PRMT3: variants seen among roughly 807,000 people sequenced by gnomAD.
PRMT3 encodes protein arginine N-methyltransferase 3.
Under a neutral mutation model 71.9 loss-of-function variants are expected in PRMT3, and 62 were observed. The observed-to-expected ratio is 0.86, with a 90% CI of 0.70 to 1.07. The LOEUF (loss-of-function observed/expected upper bound fraction) is 1.07, where lower values mean the gene tolerates loss of function less well. Ranked by LOEUF, PRMT3 falls within the 50% of genes least tolerant of loss-of-function variation. The pLI is 0.00. For missense variants in PRMT3, 663 were observed against 643.0 expected (o/e 1.03, Z -0.34); for synonymous variants, 213 against 220.4 (o/e 0.97, Z 0.30).
At chr11:20,506,558 A>G (rs533493664) in intron 15 of PRMT3, among the ~76,000 whole-genome samples, 2 of 152,194 alleles carry the variant, frequency 1.3e-5, no homozygotes, top group Non-Finnish European at 2.9e-5. Flanking sequence ...GAAAATAAAT[A>G]TAACAGGTGG....
At chr11:20,404,220 T>TTGTTTTA (rs1849017247) in intron 8 of PRMT3, among the ~76,000 whole-genome samples, 5 of 20,068 alleles carry the variant, frequency 2.5e-4, no homozygotes, top group African/African-American at 6.0e-4. Flanking sequence ...AGTTTTTTTT[T>TTGTTTTA]TTTTTTTTTT....
chr11:20,473,223 A>G (rs12418799), intron 13 of PRMT3, among the ~76,000 whole-genome samples: 11,658 of 151,512 alleles, frequency 0.077, 573 homozygotes, highest in Admixed American at 0.16. Context: ...TTGTGTCTCT[A>G]TCTTCTTCAC....
chr11:20,444,201 C>G (rs1484790445), intron 10 of PRMT3, among the ~76,000 whole-genome samples: 3 of 151,772 alleles, frequency 2.0e-5, no homozygotes, highest in Non-Finnish European at 4.4e-5. Flanking sequence ...CAGGACCCAC[C>G]CCTGGTCCCC....
intron 11 of PRMT3, among the ~76,000 whole-genome samples, chr11:20,457,725 A>G (rs1850299580): frequency 6.6e-6 from 1 of 152,196 alleles, no homozygotes; most frequent in Non-Finnish European, 1.5e-5. Context: ...CACATTTTCT[A>G]CACTTTTACA....
chr11:20,423,873 TAAAAAA>T (rs58636447), intron 9 of PRMT3, among the ~76,000 whole-genome samples: 7 of 27,100 alleles, frequency 2.6e-4, no homozygotes, highest in African/African-American at 5.7e-4. Flanking sequence ...GATTCTCTCT[TAAAAAA>T]AAAAAAAAAA....
intron 10 of PRMT3, among the ~76,000 whole-genome samples, chr11:20,438,746 A>G (rs542508667): frequency 6.6e-6 from 1 of 152,250 alleles, no homozygotes; most frequent in African/African-American, 2.4e-5. Flanking sequence ...GTGCTACTTC[A>G]GCTTACCAAA....
chr11:20,449,433 A>G (rs563156268), intron 10 of PRMT3, among the ~76,000 whole-genome samples: 2 of 152,250 alleles, frequency 1.3e-5, no homozygotes, highest in South Asian at 4.1e-4. Flanking sequence ...CTTATTTTCA[A>G]TTAGACAAAT....
At chr11:20,417,006 G>T (rs1849319953) in intron 9 of PRMT3, among the ~76,000 whole-genome samples, 1 of 152,170 alleles carries the variant, frequency 6.6e-6, no homozygotes, top group Admixed American at 6.5e-5. Context: ...TAATGTTTTA[G>T]TCCCTTTATC....
At chr11:20,431,059 C>T (rs1331557369) in intron 10 of PRMT3, among the ~76,000 whole-genome samples, 1 of 152,114 alleles carries the variant, frequency 6.6e-6, no homozygotes, top group Non-Finnish European at 1.5e-5. Context: ...TTTGGTGTTG[C>T]TATATTTCCT....
At chr11:20,435,680 A>G (rs1296279221) in intron 10 of PRMT3, among the ~76,000 whole-genome samples, 1 of 152,074 alleles carries the variant, frequency 6.6e-6, no homozygotes, top group African/African-American at 2.4e-5. Context: ...TGGGTTCTCT[A>G]TTCAGTTATT....
At chr11:20,463,026 T>A (rs1850423272) in intron 12 of PRMT3, among the ~76,000 whole-genome samples, 1 of 152,098 alleles carries the variant, frequency 6.6e-6, no homozygotes, top group Non-Finnish European at 1.5e-5. Flanking sequence ...CCACCATGCC[T>A]GGCTAAATTT....
chr11:20,465,750 ATTAT>A (rs567801206), intron 13 of PRMT3, among the ~76,000 whole-genome samples: 280 of 152,186 alleles, frequency 1.8e-3, no homozygotes, highest in Non-Finnish European at 3.4e-3. Context: ...TGGAGCACTC[ATTAT>A]TTATTTAATT....
At chr11:20,504,253 A>G (rs975440952) in intron 15 of PRMT3, among the ~76,000 whole-genome samples, 3 of 152,164 alleles carry the variant, frequency 2.0e-5, no homozygotes, top group East Asian at 1.9e-4. Context: ...TAAAAAGACT[A>G]TCCTTTTCCG....
chr11:20,464,404 T>G (rs1295345795), intron 12 of PRMT3, 56 bp from the exon 13 acceptor site: 10 of 1,528,248 alleles, frequency 6.5e-6, no homozygotes, highest in Non-Finnish European at 4.4e-6. Flanking sequence ...ATTTTTTGTT[T>G]TTTTTTTTTG....
At chr11:20,410,420 ATG>A (rs1476761639) in intron 9 of PRMT3, among the ~76,000 whole-genome samples, 1 of 152,064 alleles carries the variant, frequency 6.6e-6, no homozygotes, top group East Asian at 1.9e-4. Flanking sequence ...CTGGAATTAA[ATG>A]TGTTTCTGGT....
chr11:20,402,141 G>A (rs566604311), intron 7 of PRMT3, among the ~76,000 whole-genome samples: 1 of 151,124 alleles, frequency 6.6e-6, no homozygotes, highest in Non-Finnish European at 1.5e-5. Context: ...TTTTTGAGAC[G>A]GAATTTGCGC....
At chr11:20,469,037 C>T (rs1850581497) in intron 13 of PRMT3, among the ~76,000 whole-genome samples, 1 of 152,170 alleles carries the variant, frequency 6.6e-6, no homozygotes, top group African/African-American at 2.4e-5. Flanking sequence ...GATAATTTTT[C>T]AATGAGTACT....
intron 8 of PRMT3, 31 bp from the exon 9 acceptor site, chr11:20,407,879 GT>G: frequency 6.4e-7 from 1 of 1,573,290 alleles, no homozygotes; most frequent in Non-Finnish European, 8.7e-7. Context: ...GATAACATCT[GT>G]TTTGTTTTGG....
intron 10 of PRMT3, among the ~76,000 whole-genome samples, chr11:20,436,969 C>G (rs1250482883): frequency 1.3e-5 from 2 of 152,032 alleles, no homozygotes; most frequent in Non-Finnish European, 2.9e-5. Flanking sequence ...GTGTTCTGTT[C>G]AGATTTTCTA....
Sources: gnomAD v4.1 joint callset for allele counts (sites outside exome capture counted in the v4.1 genomes callset) on GRCh38, gnomAD v4.1.1 for gene constraint, MANE v1.5 for transcripts, NCBI Gene and HGNC (gene_info 2026-07-23, HGNC 2026-07-21) for gene names.